The following UBE2D3 variants were observed in gnomAD, a reference collection of about 807,000 sequenced individuals.
UBE2D3 encodes ubiquitin-conjugating enzyme E2 D3.
UBE2D3 carries 2 observed loss-of-function variants against 22.8 expected under a neutral mutation model. The ratio of observed to expected loss-of-function variants is 0.09; its 90% confidence interval spans 0.04 to 0.28. The LOEUF (loss-of-function observed/expected upper bound fraction) is 0.28. UBE2D3 is among the 10% of genes least tolerant of loss of function. UBE2D3 has a pLI of 1.00. For missense variants in UBE2D3, 27 were observed against 182.5 expected, an observed-to-expected ratio of 0.15 and a Z score of 4.91; for synonymous variants, 56 against 60.4, an observed-to-expected ratio of 0.93 and a Z score of 0.34.
At chr4:102,845,552 A>C (rs1173617642) in intron 1 of UBE2D3, among the ~76,000 whole-genome samples, 1 of 152,152 alleles carries the variant, frequency 6.6e-6, no homozygotes, top group Non-Finnish European at 1.5e-5. Flanking sequence ...CCATCAGTGA[A>C]GGAGTACCAA....
intron 1 of UBE2D3, among the ~76,000 whole-genome samples, chr4:102,838,333 C>T (rs1416854635): frequency 6.6e-6 from 1 of 152,112 alleles, no homozygotes; most frequent in Admixed American, 6.5e-5. Flanking sequence ...TAGTGTGCAC[C>T]TCTTCCCAGC....
rs1730759929 is a variant in UBE2D3, at chr4:102,827,468, T to A, written c.-170A>T. The A allele has an allele frequency of 3.0e-6, 3 of 985,826 alleles. No individual in the cohort carries two copies. The highest frequency in any genetic ancestry group is 3.6e-6 in the Non-Finnish European group (3 of 830,138). 61.1% of individuals were successfully genotyped at this position (985,826 alleles called of 1,614,324 possible). ...CCCTCAAGCTGCGGCCTCGGCCTCC[T>A]CCCCGCGCGGCAGCTGGTGCCTCCC... is the stretch of plus-strand genomic sequence containing the variant. On this transcript the variant is annotated 5_prime_UTR_variant, in exon 1 of 8. Coordinates refer to ENST00000453744, the MANE Select transcript of UBE2D3 (RefSeq NM_181891.3).
At chr4:102,811,579 G>C (rs1190532971) in intron 2 of UBE2D3, 1 of 289,362 alleles carries the variant, frequency 3.5e-6, no homozygotes, top group African/African-American at 2.3e-5. Flanking sequence ...TACTCGGGAG[G>C]ATGATACAGG....
Position 102,802,481 on chromosome 4 carries a change from A to G in UBE2D3, c.198+80T>C. The G allele has an allele frequency of 4.1e-6, 5 of 1,211,574 alleles. No individual in the cohort carries two copies. In the South Asian group the frequency reaches 7.5e-5, roughly 18 times the overall value. The allele number at this position is 1,211,574 out of a possible 1,614,324, so 75.1% of individuals were successfully genotyped here. A position where few individuals can be genotyped will look rare whatever the true frequency, so the allele number is the denominator to read the frequency against. ...AACATATATATACAGCCTACACAGA[A>G]CCCTATCTTCCAAGAATGCTCTATT... On this transcript the variant is annotated intron_variant, in intron 5 of 7. Coordinates refer to ENST00000453744, the MANE Select transcript of UBE2D3 (RefSeq NM_181891.3).
intron 1 of UBE2D3, among the ~76,000 whole-genome samples, chr4:102,861,529 C>G (rs984761671): frequency 9.9e-5 from 15 of 151,976 alleles, no homozygotes; most frequent in African/African-American, 3.6e-4. Context: ...ACTACAATAT[C>G]GCAAAGCATT....
intron 2 of UBE2D3, among the ~76,000 whole-genome samples, chr4:102,824,131 A>C (rs1730065337): frequency 6.6e-6 from 1 of 152,182 alleles, no homozygotes; most frequent in African/African-American, 2.4e-5. Flanking sequence ...GCACACGTCA[A>C]AGTTTCTGTA....
chr4:102,806,747 T>A (rs542961758), intron 4 of UBE2D3, among the ~76,000 whole-genome samples: 81 of 152,240 alleles, frequency 5.3e-4, no homozygotes, highest in Non-Finnish European at 8.8e-4. Flanking sequence ...TTTAAGCAAG[T>A]AAATATCAGA....
upstream of UBE2D3, among the ~76,000 whole-genome samples, chr4:102,829,357 T>G (rs921878100): frequency 1.3e-5 from 2 of 152,136 alleles, no homozygotes; most frequent in African/African-American, 4.8e-5. Context: ...TAATCTGTGT[T>G]CTCTCTCATA....
intron 1 of UBE2D3, among the ~76,000 whole-genome samples, chr4:102,860,099 G>T (rs952484291): frequency 1.3e-5 from 2 of 151,994 alleles, no homozygotes; most frequent in African/African-American, 2.4e-5. Context: ...CACACGCCTC[G>T]GCCTCCCAAA....
chr4:102,854,599 G>A (rs1187824600), intron 1 of UBE2D3, among the ~76,000 whole-genome samples: 1 of 152,090 alleles, frequency 6.6e-6, no homozygotes, highest in Non-Finnish European at 1.5e-5. Flanking sequence ...AATCTGCTTT[G>A]TCTGACAATA....
At chr4:102,856,500 TGTGCTTTCTA>T (rs1456520584) in intron 1 of UBE2D3, among the ~76,000 whole-genome samples, 1 of 152,252 alleles carries the variant, frequency 6.6e-6, no homozygotes, top group Non-Finnish European at 1.5e-5. Flanking sequence ...ACTTTTCCTT[TGTGCTTTCTA>T]GTGCTTTCAT....
At position 102,809,754 on chromosome 4, in the gene UBE2D3, A is replaced by G. The variant is rs776408278; in HGVS notation, c.88+38T>C. On this transcript the variant is annotated intron_variant, in intron 3 of 7. Transcript: ENST00000453744. ...TATCTAAAAATGCACAAGCTTAAAA[A>G]AAAATTAGGCATAAAAATCAACTTG... The G allele has an allele frequency of 6.2e-6, 10 of 1,613,344 alleles. No individual in the cohort carries two copies. The South Asian group carries it at 1.1e-4, about 18-fold the overall frequency.
At chr4:102,841,896 C>G (rs1232994501) in intron 1 of UBE2D3, among the ~76,000 whole-genome samples, 1 of 152,162 alleles carries the variant, frequency 6.6e-6, no homozygotes, top group Non-Finnish European at 1.5e-5. Flanking sequence ...TTTTCCTTCT[C>G]CAGACTATCT....
intron 1 of UBE2D3, among the ~76,000 whole-genome samples, chr4:102,838,730 C>T (rs1335458954): frequency 7.5e-6 from 1 of 133,104 alleles, no homozygotes; most frequent in Admixed American, 9.0e-5. Flanking sequence ...TACAGTAGTT[C>T]TGTGGTCTCA....
At chr4:102,865,278 G>C (rs181156440) in intron 1 of UBE2D3, among the ~76,000 whole-genome samples, 1 of 152,066 alleles carries the variant, frequency 6.6e-6, no homozygotes, top group African/African-American at 2.4e-5. Context: ...TGGATCATGA[G>C]GTCAGGAGTT....
At chr4:102,865,737 C>T (rs781666916) in intron 1 of UBE2D3, among the ~76,000 whole-genome samples, 5 of 151,936 alleles carry the variant, frequency 3.3e-5, no homozygotes, top group Non-Finnish European at 4.4e-5. Flanking sequence ...TATATCTTAA[C>T]GATCATATTT....
intron 2 of UBE2D3, chr4:102,825,294 A>G (rs1188988981): frequency 2.0e-6 from 2 of 986,226 alleles, no homozygotes; most frequent in Non-Finnish European, 2.4e-6. Flanking sequence ...ATTTTTTTCA[A>G]GTTAGCTGTA....
chr4:102,804,115 C>T (rs990673460), intron 4 of UBE2D3, among the ~76,000 whole-genome samples: 1 of 150,230 alleles, frequency 6.7e-6, no homozygotes, highest in African/African-American at 2.4e-5. Flanking sequence ...AGTCTTCCCC[C>T]TTTTTTTTTG....
chr4:102,806,671 A>ATC (rs1727096876), intron 4 of UBE2D3, among the ~76,000 whole-genome samples: 1 of 152,172 alleles, frequency 6.6e-6, no homozygotes, highest in South Asian at 2.1e-4. Flanking sequence ...CATCTCTGTC[A>ATC]TAGATTAGGT....
Sources: gnomAD v4.1 joint callset for allele counts (sites outside exome capture counted in the v4.1 genomes callset) on GRCh38, gnomAD v4.1.1 for gene constraint, MANE v1.5 for transcripts, NCBI Gene and HGNC (gene_info 2026-07-23, HGNC 2026-07-21) for gene names.